Variants in CHMP4C observed in about 807,000 individuals in gnomAD.
CHMP4C encodes the protein SNF7 homolog associated with Alix 3.
CHMP4C carries 28 observed loss-of-function variants against 29.0 expected under a neutral mutation model. The ratio of observed to expected loss-of-function variants is 0.97; its 90% CI spans 0.72 to 1.32. The LOEUF is 1.32. CHMP4C is among the 40% of genes most tolerant of loss of function. The pLI is 0.00. For synonymous variants in CHMP4C, 106 were observed against 102.4 expected (o/e 1.04, Z -0.21); for missense variants, 291 against 281.0 (o/e 1.04, Z -0.25).
At chr8:81,734,409 C>T (rs374909733) in intron 1 of CHMP4C, among the ~76,000 whole-genome samples, 54 of 152,322 alleles carry the variant, frequency 3.5e-4, no homozygotes, top group African/African-American at 1.3e-3. Context: ...TGGCTCACCG[C>T]AACCTCTGCC....
At chr8:81,752,691 A>G (rs1808918109) in intron 1 of CHMP4C, among the ~76,000 whole-genome samples, 1 of 152,150 alleles carries the variant, frequency 6.6e-6, no homozygotes, top group African/African-American at 2.4e-5. Flanking sequence ...AAAGGCCATT[A>G]AGGTCTTTAC....
At chr8:81,757,996 CA>C (rs1346694000) in intron 3 of CHMP4C, 145 bp from the exon 4 acceptor site, 16 of 740,998 alleles carry the variant, frequency 2.2e-5, no homozygotes, top group Non-Finnish European at 3.3e-5. Flanking sequence ...CTCAGTGTTG[CA>C]AAAAAGACTT....
rs774875783 is a variant in CHMP4C, at chr8:81,758,266, T to A, written c.608T>A (p.Met203Lys). ...GCACAGCCAAATAGAAAACCAGGCA[T>A]GTCGTCCACTGCACGTCGATCCCGA... is the stretch of plus-strand genomic sequence containing the variant. ...LPAQPNRKPG[M>K]SSTARRSRAA... Residue 203 changes from methionine (M) to lysine (K), a missense_variant, in exon 4 of 5, where the codon ATG becomes AAG. Transcript: ENST00000297265. 2 of 1,614,028 alleles carry A rather than the reference T, an allele frequency of 1.2e-6. No individual in the cohort carries two copies. Among genetic ancestry groups the A allele is most frequent in the East Asian group, 4.5e-5 (2 of 44,872 alleles).
At chr8:81,745,411 G>A (rs997823675) in intron 1 of CHMP4C, among the ~76,000 whole-genome samples, 1 of 152,152 alleles carries the variant, frequency 6.6e-6, no homozygotes, top group East Asian at 1.9e-4. Flanking sequence ...CTTCCTGTGT[G>A]CTGACTAATG....
intron 1 of CHMP4C, among the ~76,000 whole-genome samples, chr8:81,737,205 TC>T (rs1225890126): frequency 1.3e-5 from 2 of 152,228 alleles, no homozygotes; most frequent in African/African-American, 4.8e-5. Flanking sequence ...GAGCACTGCG[TC>T]TTAAATAGTC....
In CHMP4C at chr8:81,758,647, T is replaced by G. The variant is rs1002117349; in HGVS notation, c.*103T>G. 2.1e-5 allele frequency: 16 copies of G among 779,502 alleles called. No homozygotes were observed. The Admixed American group carries it at 2.6e-4, about 13-fold the overall frequency. The allele number at this position is 779,502 out of a possible 1,614,324, so 48.3% of individuals were successfully genotyped here. A position where few individuals can be genotyped will look rare whatever the true frequency, so the allele number is the denominator to read the frequency against. On this transcript the variant is annotated 3_prime_UTR_variant, in exon 5 of 5. Coordinates refer to ENST00000297265, the MANE Select transcript of CHMP4C (RefSeq NM_152284.4). ...TAACAAAGACTCTGCTTTATAATTA[T>G]ATTGAATGAATAATTGTGTTTTAAG...
chr8:81,739,923 A>G (rs1470470455), intron 1 of CHMP4C, among the ~76,000 whole-genome samples: 1 of 152,268 alleles, frequency 6.6e-6, no homozygotes, highest in East Asian at 1.9e-4. Context: ...ACTCCCGTGG[A>G]AATCAATATG....
chr8:81,732,798 G>A lies in CHMP4C; in HGVS notation c.172G>A (p.Gly58Ser), dbSNP rs199524691. The A allele has an allele frequency of 6.2e-7, 1 of 1,612,226 alleles. No individual in the cohort carries two copies. Among genetic ancestry groups the A allele is most frequent in the Non-Finnish European group, 8.5e-7 (1 of 1,179,222 alleles). Reference protein sequence around the residue: ...QREIALAKKHGTQNKRAALQA... With the variant: ...QREIALAKKHSTQNKRAALQA... ...AGAAATCGCCCTGGCCAAGAAGCAC[G>A]GCACGCAGAATAAGCGAGGTAGGCT... is the stretch of plus-strand genomic sequence containing the variant. Residue 58 changes from glycine (G) to serine (S), a missense_variant, in exon 1 of 5, where the codon GGC becomes AGC. Transcript: ENST00000297265.
At chr8:81,749,446 TG>T (rs1274222763) in intron 1 of CHMP4C, among the ~76,000 whole-genome samples, 2 of 152,200 alleles carry the variant, frequency 1.3e-5, no homozygotes, top group Non-Finnish European at 2.9e-5. Flanking sequence ...GACAAGGTGC[TG>T]GGGAAACAGG....
chr8:81,744,506 C>T (rs1438184369), intron 1 of CHMP4C, among the ~76,000 whole-genome samples: 1 of 152,168 alleles, frequency 6.6e-6, no homozygotes, highest in Non-Finnish European at 1.5e-5. Flanking sequence ...TAGAACTGCT[C>T]ACCGAGTAAG....
At chr8:81,748,754 T>A (rs559262606) in intron 1 of CHMP4C, among the ~76,000 whole-genome samples, 17 of 152,000 alleles carry the variant, frequency 1.1e-4, no homozygotes, top group Admixed American at 5.2e-4. Flanking sequence ...GGTGAAACCC[T>A]ATCTCTAATA....
At chr8:81,739,025 T>C (rs1239907368) in intron 1 of CHMP4C, among the ~76,000 whole-genome samples, 1 of 152,046 alleles carries the variant, frequency 6.6e-6, no homozygotes, top group Non-Finnish European at 1.5e-5. Context: ...TCTCCCTTCC[T>C]CTATCATCAC....
intron 1 of CHMP4C, among the ~76,000 whole-genome samples, chr8:81,744,465 T>G (rs971850056): frequency 6.6e-6 from 1 of 152,180 alleles, no homozygotes; most frequent in Non-Finnish European, 1.5e-5. Context: ...CCATATTTCT[T>G]TCCATATATG....
intron 1 of CHMP4C, among the ~76,000 whole-genome samples, chr8:81,737,313 T>C (rs912015237): frequency 4.6e-5 from 7 of 152,194 alleles, no homozygotes; most frequent in African/African-American, 9.7e-5. Context: ...CACCTGATTC[T>C]GACCTGTGGG....
rs1808932599 is a variant in CHMP4C, at chr8:81,753,319, T to C, written c.368+78T>C. 12 of 1,115,298 alleles carry C rather than the reference T, an allele frequency of 1.1e-5. No individual in the cohort carries two copies. The South Asian group carries it at 2.4e-4, about 22-fold the overall frequency. 69.1% of individuals were successfully genotyped at this position (1,115,298 alleles called of 1,614,324 possible). ...AACCTTTGGAACCATATGATGGTTTTGGCAGGAATGGGTTTACTCATTTGA... is the reference window on the plus strand; with the variant it reads ...AACCTTTGGAACCATATGATGGTTTCGGCAGGAATGGGTTTACTCATTTGA... On this transcript the variant is annotated intron_variant, in intron 2 of 4. Coordinates refer to ENST00000297265, the MANE Select transcript of CHMP4C (RefSeq NM_152284.4).
rs750284498 is a variant in CHMP4C, at chr8:81,732,585, C to T, written c.-42C>T. On this transcript the variant is annotated 5_prime_UTR_variant, in exon 1 of 5. Transcript: ENST00000297265. ...CCTCGGCGCGGCCCCGGGGAGCTCC[C>T]GAGAGGCCCCCGGGATCGCTGGCCC... 7.3e-5 allele frequency: 109 copies of T among 1,488,080 alleles called. No individual in the cohort carries two copies. Among genetic ancestry groups the T allele is most frequent in the Middle Eastern group, 2.4e-4 (1 of 4,146 alleles). 92.2% of individuals were successfully genotyped at this position (1,488,080 alleles called of 1,614,324 possible).
At chr8:81,744,067 T>A (rs1009399069) in intron 1 of CHMP4C, among the ~76,000 whole-genome samples, 39 of 152,252 alleles carry the variant, frequency 2.6e-4, no homozygotes, top group Admixed American at 7.2e-4. Flanking sequence ...TTCTCAGGCA[T>A]CTGCTTTAGC....
chr8:81,744,689 T>C (rs1808801381), intron 1 of CHMP4C, among the ~76,000 whole-genome samples: 1 of 152,182 alleles, frequency 6.6e-6, no homozygotes, highest in Non-Finnish European at 1.5e-5. Flanking sequence ...CACACGTTAG[T>C]ATCCCTAGGA....
Position 81,732,801 on chromosome 8 carries a change from A to G in CHMP4C, c.175A>G (p.Thr59Ala). Residue 59 changes from threonine (T) to alanine (A), a missense_variant, in exon 1 of 5, where the codon ACG becomes GCG. Thr to Ala is a moderately conservative substitution (Grantham distance 58, BLOSUM62 0). Transcript: ENST00000297265. Reference protein sequence around the residue: ...REIALAKKHGTQNKRAALQAL... With the variant: ...REIALAKKHGAQNKRAALQAL... ...AATCGCCCTGGCCAAGAAGCACGGC[A>G]CGCAGAATAAGCGAGGTAGGCTGGG... 1 of 1,612,190 alleles carries G rather than the reference A, an allele frequency of 6.2e-7. No individual in the cohort carries two copies. The highest frequency in any genetic ancestry group is 1.1e-5 in the South Asian group (1 of 90,484).
Sources: gnomAD v4.1 joint callset for allele counts (sites outside exome capture counted in the v4.1 genomes callset) on GRCh38, gnomAD v4.1.1 for gene constraint, MANE v1.5 for transcripts, NCBI Gene and HGNC (gene_info 2026-07-23, HGNC 2026-07-21) for gene names.